MB21D2: variants seen among roughly 807,000 people sequenced by gnomAD.
MB21D2 encodes Mab-21 domain containing 2.
A neutral mutation model predicts 33.3 loss-of-function variants in MB21D2; 9 were observed. The ratio of observed to expected loss-of-function variants is 0.27; its 90% CI spans 0.16 to 0.47. The LOEUF is 0.47. Ranked by LOEUF, MB21D2 falls within the 20% of genes least tolerant of loss-of-function variation. The pLI is 0.99. For synonymous variants in MB21D2, 241 were observed against 236.3 expected (o/e 1.02, Z -0.18); for missense variants, 540 against 624.6 (o/e 0.86, Z 1.44).
intron 1 of MB21D2, among the ~76,000 whole-genome samples, chr3:192,812,394 G>T (rs9291031): frequency 0.53 from 80,855 of 151,890 alleles, 21,828 homozygotes; most frequent in South Asian, 0.6. Flanking sequence ...ACCTGTCAGT[G>T]TCCCTCTGAT....
intron 1 of MB21D2, among the ~76,000 whole-genome samples, chr3:192,909,096 A>G (rs1229052000): frequency 6.6e-6 from 1 of 151,544 alleles, no homozygotes; most frequent in Non-Finnish European, 1.5e-5. Context: ...TCTACTAAAA[A>G]TACAAAAAAA....
intron 1 of MB21D2, among the ~76,000 whole-genome samples, chr3:192,900,101 A>G (rs1003695761): frequency 3.3e-5 from 5 of 151,366 alleles, no homozygotes; most frequent in Non-Finnish European, 7.4e-5. Flanking sequence ...TGGCTAACAC[A>G]GTGAAACCCC....
At chr3:192,850,973 G>C (rs1712789900) in intron 1 of MB21D2, among the ~76,000 whole-genome samples, 1 of 152,180 alleles carries the variant, frequency 6.6e-6, no homozygotes, top group Admixed American at 6.5e-5. Context: ...AACCAAGCTT[G>C]CTCTGCTACT....
intron 1 of MB21D2, among the ~76,000 whole-genome samples, chr3:192,848,769 C>T (rs1425228930): frequency 6.6e-6 from 1 of 152,196 alleles, no homozygotes; most frequent in Non-Finnish European, 1.5e-5. Flanking sequence ...ATTTCTAAAT[C>T]TTCCTAGAAC....
At chr3:192,853,288 C>T (rs926595320) in intron 1 of MB21D2, among the ~76,000 whole-genome samples, 2 of 152,170 alleles carry the variant, frequency 1.3e-5, no homozygotes, top group African/African-American at 2.4e-5. Flanking sequence ...CATTCCATCC[C>T]GTGTTGACCC....
Position 192,837,135 on chromosome 3 carries a change from T to C in MB21D2, c.212-37485A>G, listed in dbSNP as rs1712458077. On this transcript the variant is annotated intron_variant, in intron 1 of 1. Transcript: ENST00000392452. The stretch of plus-strand genomic sequence containing the variant: ...TGCCCTGTTTGAGTCCAGAACTATG[T>C]CAGCATCTGTTGACCAGAGTAAGTA... Among the ~76,000 whole-genome samples the C allele has an allele frequency of 2.6e-5, 4 of 152,118 alleles. No homozygotes were observed. The South Asian group carries it at 6.2e-4, about 24-fold the overall frequency.
chr3:192,902,172 C>T (rs145597319), intron 1 of MB21D2, among the ~76,000 whole-genome samples: 2 of 152,238 alleles, frequency 1.3e-5, no homozygotes, highest in East Asian at 1.9e-4. Flanking sequence ...GAATCAGAAC[C>T]GTAAATTAGC....
At chr3:192,827,141 C>T (rs1560232256) in intron 1 of MB21D2, among the ~76,000 whole-genome samples, 1 of 152,104 alleles carries the variant, frequency 6.6e-6, no homozygotes, top group Non-Finnish European at 1.5e-5. Context: ...CGTGATCCAC[C>T]CGCCTCGGCC....
Position 192,798,553 on chromosome 3 carries a change from T to A in MB21D2, c.1309A>T (p.Ile437Phe). ...ELQRRGSTTS[I>F]PSPQSDGGDP... The stretch of plus-strand genomic sequence containing the variant: ...CCTCCGTCAGACTGTGGAGAGGGGA[T>A]GCTGGTGGTGCTACCTCGCCTCTGG... The change falls in exon 2 of 2, where the codon ATC becomes TTC. Residue 437 changes from isoleucine to phenylalanine, a missense_variant. Ile to Phe is a conservative substitution (Grantham distance 21, BLOSUM62 0). Transcript: ENST00000392452. The surrounding 1 kb of genome is among the most constrained non-coding windows in gnomAD (Gnocchi z 4.8). 6.2e-7 allele frequency: 1 copy of A among 1,614,164 alleles called. No homozygotes were observed. Among genetic ancestry groups the A allele is most frequent in the South Asian group, 1.1e-5 (1 of 91,078 alleles).
chr3:192,908,977 C>T (rs1190600205), intron 1 of MB21D2, among the ~76,000 whole-genome samples: 2 of 151,682 alleles, frequency 1.3e-5, no homozygotes, highest in East Asian at 2.0e-4. Flanking sequence ...AAAATGCGGC[C>T]GGGCACGGTG....
intron 1 of MB21D2, among the ~76,000 whole-genome samples, chr3:192,809,811 C>T (rs1163687934): frequency 3.9e-5 from 6 of 152,188 alleles, no homozygotes; most frequent in South Asian, 4.1e-4. Context: ...CACACGTGTG[C>T]GTGTGCATCT....
chr3:192,865,248 C>T (rs953964575), intron 1 of MB21D2, among the ~76,000 whole-genome samples: 3 of 152,170 alleles, frequency 2.0e-5, no homozygotes, highest in Non-Finnish European at 2.9e-5. Flanking sequence ...TTACAGCAAC[C>T]CAGGGAGCTG....
At chr3:192,821,096 T>C (rs1244493498) in intron 1 of MB21D2, among the ~76,000 whole-genome samples, 1 of 152,204 alleles carries the variant, frequency 6.6e-6, no homozygotes, top group Non-Finnish European at 1.5e-5. Flanking sequence ...CATCGTTTAT[T>C]TGACTAATGC....
At chr3:192,873,134 A>G (rs13078909) in intron 1 of MB21D2, among the ~76,000 whole-genome samples, 93,399 of 151,930 alleles carry the variant, frequency 0.61, 30,662 homozygotes, top group African/African-American at 0.85. Flanking sequence ...AAATGAATCC[A>G]TTACCTACCC....
In MB21D2 at chr3:192,799,735, T is replaced by G. The variant is rs1232201830; in HGVS notation, c.212-85A>C. 2.9e-6 allele frequency: 4 copies of G among 1,393,192 alleles called. No homozygotes were observed. In the East Asian group the frequency reaches 9.9e-5, roughly 34 times the overall value. 86.3% of individuals were successfully genotyped at this position (1,393,192 alleles called of 1,614,324 possible). On this transcript the variant is annotated intron_variant, in intron 1 of 1. Coordinates refer to ENST00000392452, the MANE Select transcript of MB21D2 (RefSeq NM_178496.4). The surrounding 1 kb of genome is among the most constrained non-coding windows in gnomAD (Gnocchi z 4.1). ...TGCATGAAACAGAATGCTCTGATGT[T>G]CCAAGAACCAAAACTCATTATCAGT... is the stretch of plus-strand genomic sequence containing the variant.
At chr3:192,910,174 A>T (rs1714316618) in intron 1 of MB21D2, among the ~76,000 whole-genome samples, 1 of 151,432 alleles carries the variant, frequency 6.6e-6, no homozygotes, top group Non-Finnish European at 1.5e-5. Flanking sequence ...TTATTAAATA[A>T]TAGAATAGAG....
chr3:192,881,545 A>G (rs1440067830), intron 1 of MB21D2, among the ~76,000 whole-genome samples: 2 of 152,174 alleles, frequency 1.3e-5, no homozygotes, highest in Non-Finnish European at 2.9e-5. Context: ...AACTGTACTG[A>G]CCGCTACGAA....
Position 192,905,357 on chromosome 3 carries a change from G to T in MB21D2, c.211+12273C>A, listed in dbSNP as rs540774217. 7.5e-4 allele frequency among the ~76,000 whole-genome samples: 114 copies of T among 152,274 alleles called. 2 individuals carry two copies. In the South Asian group the frequency reaches 0.013, roughly 17 times the overall value. On this transcript the variant is annotated intron_variant, in intron 1 of 1. Transcript: ENST00000392452. ...AAATATTCAAAAATTAGCCAGGCGT[G>T]GCTGGGCATGGTGGCTCACGCCTGT...
chr3:192,819,499 C>T (rs1235466639), intron 1 of MB21D2, among the ~76,000 whole-genome samples: 1 of 152,164 alleles, frequency 6.6e-6, no homozygotes, highest in African/African-American at 2.4e-5. Context: ...CCTCCCACCC[C>T]CGCTTCGACC....
Sources: allele counts gnomAD v4.1 joint callset (sites outside exome capture counted in the v4.1 genomes callset), GRCh38; gene constraint gnomAD v4.1.1; non-coding constraint Gnocchi (gnomAD v3.1); transcripts MANE v1.5; gene names NCBI Gene and HGNC (gene_info 2026-07-23, HGNC 2026-07-21).